The following CERS6 variants were observed in gnomAD, a reference collection of about 807,000 sequenced individuals.
CERS6 encodes the protein LAG1 homolog, ceramide synthase 6.
CERS6 carries 26 observed loss-of-function variants against 56.8 expected under a neutral mutation model. The ratio of observed to expected loss-of-function variants is 0.46; its 90% CI spans 0.34 to 0.63. The LOEUF (loss-of-function observed/expected upper bound fraction) is 0.63, where lower values mean the gene tolerates loss of function less well. CERS6 is among the 30% of genes least tolerant of loss of function. CERS6 has a pLI of 0.01. For synonymous variants in CERS6, 164 were observed against 173.3 expected (o/e 0.95, Z 0.42); for missense variants, 415 against 467.5 (o/e 0.89, Z 1.04).
intron 3 of CERS6, among the ~76,000 whole-genome samples, chr2:168,625,811 T>C (rs1684578272): frequency 6.6e-6 from 1 of 152,130 alleles, no homozygotes. Flanking sequence ...AAGCTTAATA[T>C]TGTTTTAGCT....
At chr2:168,710,557 A>G (rs74744541) in intron 6 of CERS6, among the ~76,000 whole-genome samples, 3,605 of 152,316 alleles carry the variant, frequency 0.024, 127 homozygotes, top group East Asian at 0.17. Flanking sequence ...TAATGGATCC[A>G]TTGTTTTGAA....
intron 3 of CERS6, among the ~76,000 whole-genome samples, chr2:168,577,402 A>G (rs1404410859): frequency 6.6e-6 from 1 of 152,206 alleles, no homozygotes; most frequent in Non-Finnish European, 1.5e-5. Flanking sequence ...AGAAGTTGCA[A>G]TGTGGGAACT....
intron 8 of CERS6, among the ~76,000 whole-genome samples, chr2:168,741,147 A>G (rs373772226): frequency 1.6e-4 from 24 of 152,364 alleles, no homozygotes; most frequent in African/African-American, 4.6e-4. Context: ...CATTCTGTCT[A>G]TATGACTGAA....
At chr2:168,544,804 A>G (rs1333218435) in intron 1 of CERS6, among the ~76,000 whole-genome samples, 1 of 5,348 alleles carries the variant, frequency 1.9e-4, no homozygotes, top group African/African-American at 3.4e-4. Context: ...GGTGCTGGGA[A>G]CAGTTGGATG....
chr2:168,522,319 C>A (rs1291289707), intron 1 of CERS6, among the ~76,000 whole-genome samples: 1 of 152,178 alleles, frequency 6.6e-6, no homozygotes, highest in Non-Finnish European at 1.5e-5. Flanking sequence ...CCAGTTACTT[C>A]ATTTAGGATA....
intron 2 of CERS6, among the ~76,000 whole-genome samples, chr2:168,554,010 G>T (rs1046389440): frequency 5.9e-5 from 9 of 152,150 alleles, no homozygotes; most frequent in Non-Finnish European, 1.0e-4. Flanking sequence ...ATTGACTATT[G>T]TAGTATTGGG....
chr2:168,586,307 C>G (rs1036721230), intron 3 of CERS6, among the ~76,000 whole-genome samples: 1 of 151,698 alleles, frequency 6.6e-6, no homozygotes, highest in Non-Finnish European at 1.5e-5. Context: ...TAAAGAAAAT[C>G]AGTACTAAAA....
chr2:168,680,254 G>T lies in CERS6; in HGVS notation c.466-10780G>T, dbSNP rs550787854. ...CTGGCTGGGAAGAGTGGACTTAGTC[G>T]TGCACGGTCACAGTGGTCTGCCAAG... On this transcript the variant is annotated intron_variant, in intron 4 of 9. Coordinates refer to ENST00000305747, the MANE Select transcript of CERS6 (RefSeq NM_203463.3). 3.9e-5 allele frequency among the ~76,000 whole-genome samples: 6 copies of T among 152,322 alleles called. No individual in the cohort carries two copies. The South Asian group carries it at 1.2e-3, about 32-fold the overall frequency.
intron 1 of CERS6, among the ~76,000 whole-genome samples, chr2:168,498,901 G>A (rs1033995754): frequency 6.6e-6 from 1 of 152,118 alleles, no homozygotes; most frequent in African/African-American, 2.4e-5. Context: ...GTATAATGAG[G>A]TGTGTCTGAC....
In CERS6 at chr2:168,694,992, C is replaced by T; in HGVS notation, c.550C>T (p.Leu184=). ...LTTDLHYYYI[L]ELSFYWSLMF... ...AACTGACCTTCACTACTATTACATC[C>T]TGGAGCTGTCGTTTTATTGGTCTTT... Residue 184 remains leucine, a synonymous_variant, in exon 6 of 10, where the codon CTG becomes TTG. Transcript: ENST00000305747. The T allele has an allele frequency of 6.2e-7, 1 of 1,613,570 alleles. No individual in the cohort carries two copies. The highest frequency in any genetic ancestry group is 8.5e-7 in the Non-Finnish European group (1 of 1,179,650).
intron 3 of CERS6, among the ~76,000 whole-genome samples, chr2:168,591,583 A>T (rs2077764): frequency 0.023 from 3,541 of 152,328 alleles, 140 homozygotes; most frequent in East Asian, 0.18. Flanking sequence ...AAAACCTTCA[A>T]TGAAGAAAAT....
intron 1 of CERS6, among the ~76,000 whole-genome samples, chr2:168,501,833 A>G (rs1694585908): frequency 6.6e-6 from 1 of 152,182 alleles, no homozygotes; most frequent in South Asian, 2.1e-4. Flanking sequence ...ATCACTGCAA[A>G]GTTCAAACAC....
chr2:168,503,300 C>T (rs753312192), intron 1 of CERS6, among the ~76,000 whole-genome samples: 4 of 152,060 alleles, frequency 2.6e-5, no homozygotes, highest in Non-Finnish European at 4.4e-5. Context: ...TTCTTTATCG[C>T]AGTGTGAAAA....
At position 168,539,258 on chromosome 2, in the gene CERS6, C is replaced by CAAGTATTTTAACAATA. The variant is rs1314088291; in HGVS notation, c.171-8338_171-8337insAAGTATTTTAACAATA. 3.4e-3 allele frequency among the ~76,000 whole-genome samples: 4 copies of CAAGTATTTTAACAATA among 1,180 alleles called. 1 individual carries two copies. In the Non-Finnish European group the frequency reaches 0.75, roughly 221 times the overall value. 0.8% of individuals were successfully genotyped at this position (1,180 alleles called of 152,430 possible). A position where few individuals can be genotyped will look rare whatever the true frequency, so the allele number is the denominator to read the frequency against. On this transcript the variant is annotated intron_variant, in intron 1 of 9. Transcript: ENST00000305747. ...GGGATTACAGGCGTGAGCCACCGCG[C>CAAGTATTTTAACAATA]CCGGCCGAAAATATTGTTTTTATTA...
chr2:168,582,025 A>G (rs751703471), intron 3 of CERS6, among the ~76,000 whole-genome samples: 4 of 152,180 alleles, frequency 2.6e-5, no homozygotes, highest in African/African-American at 4.8e-5. Context: ...CACCTTGGTC[A>G]TGATCACAGT....
At chr2:168,645,137 A>ATG (rs1685156682) in intron 4 of CERS6, among the ~76,000 whole-genome samples, 1 of 43,922 alleles carries the variant, frequency 2.3e-5, no homozygotes, top group Non-Finnish European at 4.0e-5. Context: ...ATATATATAT[A>ATG]TATATAGAGA....
intron 4 of CERS6, among the ~76,000 whole-genome samples, chr2:168,649,841 A>G (rs1685300528): frequency 6.6e-6 from 1 of 151,924 alleles, no homozygotes. Flanking sequence ...GACTCTGAAG[A>G]GTCTGTGACT....
intron 3 of CERS6, among the ~76,000 whole-genome samples, chr2:168,601,378 A>T (rs1290069252): frequency 6.6e-6 from 1 of 152,148 alleles, no homozygotes; most frequent in Non-Finnish European, 1.5e-5. Flanking sequence ...TGCATTTATC[A>T]ATAGTATTGC....
chr2:168,588,963 C>G (rs1236497435), intron 3 of CERS6, among the ~76,000 whole-genome samples: 1 of 152,232 alleles, frequency 6.6e-6, no homozygotes, highest in Non-Finnish European at 1.5e-5. Context: ...TGGTCTCCAA[C>G]TCCTGAGCTC....
Sources: gnomAD v4.1 joint callset for allele counts (sites outside exome capture counted in the v4.1 genomes callset) on GRCh38, gnomAD v4.1.1 for gene constraint, MANE v1.5 for transcripts, NCBI Gene and HGNC (gene_info 2026-07-23, HGNC 2026-07-21) for gene names.